Variants in NFIB observed in about 807,000 individuals in gnomAD.
NFIB encodes the protein nuclear factor 1 B-type.
NFIB carries 11 observed loss-of-function variants against 61.5 expected under a neutral mutation model. The observed-to-expected ratio is 0.18, with a 90% CI of 0.11 to 0.30. The LOEUF is 0.30. Ranked by LOEUF, NFIB falls within the 10% of genes least tolerant of loss-of-function variation. NFIB has a pLI of 1.00. For missense variants in NFIB, 471 were observed against 608.9 expected (o/e 0.77, Z 2.38); for synonymous variants, 260 against 216.5 (o/e 1.20, Z -1.76).
At chr9:14,270,579 CAAAAAAAAAAAAA>C (rs147823074) in intron 2 of NFIB, among the ~76,000 whole-genome samples, 1 of 54,376 alleles carries the variant, frequency 1.8e-5, no homozygotes, top group African/African-American at 7.3e-5. Flanking sequence ...CCTTAGATCA[CAAAAAAAAAAAAA>C]AAAAAAAAAA....
At chr9:14,285,566 G>A (rs1015866670) in intron 2 of NFIB, among the ~76,000 whole-genome samples, 2 of 152,128 alleles carry the variant, frequency 1.3e-5, no homozygotes, top group African/African-American at 4.8e-5. Context: ...TTACAGTTAA[G>A]AAAGAAGTCC....
chr9:14,428,965 G>A, the NFIB span, among the ~76,000 whole-genome samples: 3 of 152,150 alleles, frequency 2.0e-5, no homozygotes, highest in African/African-American at 7.2e-5. Context: ...CCATCTAGTG[G>A]CAATTTCGCT....
chr9:14,410,059 G>A, the NFIB span, among the ~76,000 whole-genome samples: 1 of 152,138 alleles, frequency 6.6e-6, no homozygotes, highest in East Asian at 1.9e-4. Flanking sequence ...GATATAGGGG[G>A]TGAGGGGCAG....
intron 2 of NFIB, among the ~76,000 whole-genome samples, chr9:14,181,655 G>T (rs1015494556): frequency 6.6e-6 from 1 of 152,160 alleles, no homozygotes; most frequent in East Asian, 1.9e-4. Flanking sequence ...TCTGACAAAT[G>T]TCTCTCAGCA....
the NFIB span, among the ~76,000 whole-genome samples, chr9:14,407,672 C>T: frequency 6.6e-6 from 1 of 152,002 alleles, no homozygotes; most frequent in Non-Finnish European, 1.5e-5. Context: ...TTTGTCTGCA[C>T]CAAAAAAAAT....
At chr9:14,223,877 C>T (rs1294968056) in intron 2 of NFIB, among the ~76,000 whole-genome samples, 2 of 152,166 alleles carry the variant, frequency 1.3e-5, no homozygotes, top group Non-Finnish European at 2.9e-5. Flanking sequence ...GTTTCCTTCT[C>T]AGCCACACTA....
At chr9:14,377,676 T>A (rs1280725681) in intron 1 of NFIB, among the ~76,000 whole-genome samples, 2 of 152,190 alleles carry the variant, frequency 1.3e-5, no homozygotes, top group South Asian at 2.1e-4. Context: ...CTAGGGCTTA[T>A]AAAGGAAAAT....
intron 2 of NFIB, among the ~76,000 whole-genome samples, chr9:14,221,455 T>C (rs1330574439): frequency 1.3e-5 from 2 of 152,208 alleles, no homozygotes; most frequent in African/African-American, 4.8e-5. Context: ...GCATTATTAT[T>C]AGCTCCATTT....
intron 2 of NFIB, among the ~76,000 whole-genome samples, chr9:14,282,195 T>G (rs1372019462): frequency 6.6e-6 from 1 of 152,168 alleles, no homozygotes; most frequent in Non-Finnish European, 1.5e-5. Flanking sequence ...CTGATAACAT[T>G]TTTTCAGTAA....
chr9:14,136,031 G>T (rs1281941513), intron 6 of NFIB, among the ~76,000 whole-genome samples: 1 of 152,010 alleles, frequency 6.6e-6, no homozygotes, highest in Non-Finnish European at 1.5e-5. Flanking sequence ...CTATAAAAAA[G>T]GTCTCGAGGC....
Position 14,313,689 on chromosome 9 carries a change from T to C in NFIB, c.-178A>G, listed in dbSNP as rs2060399249. On this transcript the variant is annotated 5_prime_UTR_variant, in exon 1 of 11. Transcript: ENST00000380953. This position sits in a 1 kb window ranked among gnomAD's most constrained non-coding sequence, Gnocchi z 4.5. Reference sequence around the variant, plus strand: ...CCAGTCCTCCTTAAATAGCCAAAGATTCAAGTTCACTCGGCGTGCTAGATT... The same window carrying C: ...CCAGTCCTCCTTAAATAGCCAAAGACTCAAGTTCACTCGGCGTGCTAGATT... 9 of 1,432,530 alleles carry C rather than the reference T, an allele frequency of 6.3e-6. No homozygotes were observed. The highest frequency in any genetic ancestry group is 8.2e-6 in the Non-Finnish European group (9 of 1,092,694). The allele number at this position is 1,432,530 out of a possible 1,614,324, so 88.7% of individuals were successfully genotyped here.
intron 1 of NFIB, among the ~76,000 whole-genome samples, chr9:14,344,110 G>GAGAGAGAGAGAGAGAGAA (rs2060988717): frequency 3.0e-5 from 3 of 98,710 alleles, no homozygotes; most frequent in African/African-American, 1.6e-4. Flanking sequence ...GAGAGAGAAA[G>GAGAGAGAGAGAGAGAGAA]AGAGAGAGAG....
chr9:14,235,587 G>A (rs1262956503), intron 2 of NFIB, among the ~76,000 whole-genome samples: 1 of 152,228 alleles, frequency 6.6e-6, no homozygotes, highest in South Asian at 2.1e-4. Context: ...GAATTACGAA[G>A]CACAGTTGTT....
chr9:14,273,698 T>A (rs1010143852), intron 2 of NFIB, among the ~76,000 whole-genome samples: 7 of 152,192 alleles, frequency 4.6e-5, no homozygotes, highest in African/African-American at 1.7e-4. Flanking sequence ...TACATAAAAT[T>A]CAGCAGTTTC....
chr9:14,244,353 C>A (rs992727643), intron 2 of NFIB, among the ~76,000 whole-genome samples: 1 of 152,000 alleles, frequency 6.6e-6, no homozygotes, highest in Admixed American at 6.6e-5. Flanking sequence ...AAATATATAC[C>A]ATATACCAGT....
At chr9:14,251,345 T>C (rs1587930436) in intron 2 of NFIB, among the ~76,000 whole-genome samples, 1 of 152,188 alleles carries the variant, frequency 6.6e-6, no homozygotes, top group Non-Finnish European at 1.5e-5. Context: ...AAAATCCTAA[T>C]GGCAGACTGC....
the NFIB span, among the ~76,000 whole-genome samples, chr9:14,422,946 G>A: frequency 6.6e-6 from 1 of 152,128 alleles, no homozygotes; most frequent in African/African-American, 2.4e-5. Flanking sequence ...TACAGTTCTG[G>A]ATTTTCAATA....
the NFIB span, among the ~76,000 whole-genome samples, chr9:14,461,139 T>A: frequency 6.6e-6 from 1 of 152,170 alleles, no homozygotes; most frequent in African/African-American, 2.4e-5. Context: ...TCTGCAATTG[T>A]CTGTACACCA....
chr9:14,350,934 G>C (rs1389052089), intron 1 of NFIB, among the ~76,000 whole-genome samples: 1 of 152,138 alleles, frequency 6.6e-6, no homozygotes, highest in African/African-American at 2.4e-5. Flanking sequence ...CGGGGCAAAA[G>C]AAAGTCGCGA....
Sources: allele counts gnomAD v4.1 joint callset (sites outside exome capture counted in the v4.1 genomes callset), GRCh38; gene constraint gnomAD v4.1.1; non-coding constraint Gnocchi (gnomAD v3.1); transcripts MANE v1.5; gene names NCBI Gene and HGNC (gene_info 2026-07-23, HGNC 2026-07-21).